The following RBM6 variants were observed in gnomAD, a reference collection of about 807,000 sequenced individuals.
RBM6 encodes RNA binding motif protein 6, also known as RNA-binding protein 6.
In RBM6, 23 loss-of-function variants were observed where a neutral mutation model predicts 140.4. That is an observed-to-expected ratio of 0.16 (90% confidence interval 0.12 to 0.23). The LOEUF is 0.23. RBM6 is among the 10% of genes least tolerant of loss of function. The probability of loss-of-function intolerance (pLI) is 1.00; values close to 1 mark genes in which losing one functional copy is unlikely to be tolerated. For synonymous variants in RBM6, 439 were observed against 475.6 expected (o/e 0.92, Z 1.00); for missense variants, 1,139 against 1,386.7 (o/e 0.82, Z 2.84).
At chr3:49,972,247 T>C (rs2084832335) in intron 4 of RBM6, 99 bp downstream of exon 4, 2 of 901,412 alleles carry the variant, frequency 2.2e-6, no homozygotes, top group East Asian at 5.2e-5. Context: ...TGCAAAGAAA[T>C]GCACAGAGAA....
chr3:50,059,933 G>A (rs11924711), intron 11 of RBM6, among the ~76,000 whole-genome samples, 187 bp downstream of exon 11: 10,642 of 152,168 alleles, frequency 0.07, 387 homozygotes, highest in Non-Finnish European at 0.077. Flanking sequence ...TTTCTTTCTT[G>A]AATAATACTA....
At chr3:49,940,264 T>G (rs1291058977) in intron 1 of RBM6, 39 bp downstream of exon 1, 1 of 152,348 alleles carries the variant, frequency 6.6e-6, no homozygotes, top group Non-Finnish European at 1.5e-5. Flanking sequence ...TGCCAGAGCC[T>G]GCCAGGGAAT....
intron 6 of RBM6, among the ~76,000 whole-genome samples, chr3:50,037,807 T>G (rs1181354599): frequency 6.6e-6 from 1 of 150,570 alleles, no homozygotes; most frequent in African/African-American, 2.5e-5. Flanking sequence ...CGTGGCAAAT[T>G]TCTTTTCTTT....
rs560767774 is a variant in RBM6 at position 50,074,680 on chromosome 3, T to C, written c.3117-521T>C. ...GTTCTATAAGCATCTCTTGACATAA[T>C]GTTTGAGACCTTTCTTGTGAACAGG... On this transcript the variant is annotated intron_variant, in intron 19 of 20. Transcript: ENST00000266022. 3.9e-5 allele frequency among the ~76,000 whole-genome samples: 6 copies of C among 152,222 alleles called. No homozygotes were observed. The South Asian group carries it at 6.2e-4, about 16-fold the overall frequency.
At chr3:50,047,625 G>A (rs1012103262) in intron 6 of RBM6, among the ~76,000 whole-genome samples, 7 of 152,090 alleles carry the variant, frequency 4.6e-5, no homozygotes, top group Admixed American at 1.3e-4. Flanking sequence ...TGATACCGCC[G>A]CCGCCGCTGT....
At chr3:50,065,312 G>T (rs1361919459) in intron 16 of RBM6, among the ~76,000 whole-genome samples, 186 bp downstream of exon 16, 2 of 152,164 alleles carry the variant, frequency 1.3e-5, no homozygotes, top group East Asian at 3.8e-4. Context: ...GCTAATGGGG[G>T]TATTACTGGA....
At chr3:50,032,095 G>A (rs149182163) in intron 6 of RBM6, among the ~76,000 whole-genome samples, 4 of 152,248 alleles carry the variant, frequency 2.6e-5, no homozygotes, top group South Asian at 2.1e-4. Flanking sequence ...GCTGCAGAAC[G>A]TCTTTATTTT....
chr3:50,040,493 T>C (rs5020620), intron 6 of RBM6, among the ~76,000 whole-genome samples: 10,085 of 85,508 alleles, frequency 0.12, 1,487 homozygotes, highest in East Asian at 0.62. Context: ...TATATATATA[T>C]ACACACACAC....
At chr3:49,941,510 C>T (rs2083277584) in intron 1 of RBM6, among the ~76,000 whole-genome samples, 2 of 151,670 alleles carry the variant, frequency 1.3e-5, no homozygotes, top group Non-Finnish European at 2.9e-5. Context: ...CATGGTGGCA[C>T]ATGCCTGTAA....
intron 6 of RBM6, among the ~76,000 whole-genome samples, chr3:50,018,512 G>A (rs562561505): frequency 1.4e-4 from 21 of 150,478 alleles, no homozygotes; most frequent in South Asian, 1.3e-3. Flanking sequence ...GTTTTTGTAC[G>A]GACATACGTT....
intron 15 of RBM6, among the ~76,000 whole-genome samples, chr3:50,064,502 C>T (rs559814728): frequency 1.2e-4 from 18 of 151,910 alleles, no homozygotes; most frequent in African/African-American, 3.1e-4. Flanking sequence ...TATATACTAA[C>T]GTTTTATTTT....
In RBM6 at chr3:49,967,713, G is replaced by T. The variant is rs202185790; in HGVS notation, c.288G>T (p.Arg96Ser). The stretch of plus-strand genomic sequence containing the variant: ...GGGAGGGACCTGGACATGATTTCAG[G>T]GGGGGAGATTTTTCGTCTTCTGATT... ...RGGEGPGHDF[R>S]GGDFSSSDFQ... The change falls in exon 3 of 21, where the codon AGG (arginine) becomes AGT (serine). Residue 96 changes from arginine (R) to serine (S), a missense_variant. Arg to Ser is a moderately radical substitution (Grantham distance 110). Coordinates refer to ENST00000266022, the MANE Select transcript of RBM6 (RefSeq NM_005777.3). This position sits in a 1 kb window ranked among gnomAD's most constrained non-coding sequence, Gnocchi z 4.0. The T allele has an allele frequency of 9.1e-5, 147 of 1,614,118 alleles. No homozygotes were observed. The highest frequency in any genetic ancestry group is 1.6e-4 in the Middle Eastern group (1 of 6,062).
chr3:50,013,816 G>A (rs910387442), intron 6 of RBM6, among the ~76,000 whole-genome samples: 1 of 152,150 alleles, frequency 6.6e-6, no homozygotes, highest in Non-Finnish European at 1.5e-5. Context: ...AATGTTATTC[G>A]TCAGGCAGTG....
At chr3:50,063,785 C>T (rs1488791954) in intron 15 of RBM6, among the ~76,000 whole-genome samples, 1 of 151,794 alleles carries the variant, frequency 6.6e-6, no homozygotes, top group Non-Finnish European at 1.5e-5. Context: ...CCTGTAGTCC[C>T]AGCTACTCAG....
intron 6 of RBM6, among the ~76,000 whole-genome samples, chr3:50,026,879 A>T (rs2087859337): frequency 6.7e-6 from 1 of 148,244 alleles, no homozygotes; most frequent in African/African-American, 2.5e-5. Context: ...AGCCTGGGTG[A>T]CAGAGTGAGA....
intron 4 of RBM6, among the ~76,000 whole-genome samples, chr3:49,972,716 T>C (rs565870057): frequency 6.6e-6 from 1 of 152,290 alleles, no homozygotes; most frequent in East Asian, 1.9e-4. Flanking sequence ...GACACAGCAG[T>C]GTATATTATC....
In RBM6 at chr3:50,000,445, A is replaced by T. The variant is rs144859723; in HGVS notation, c.1557+932A>T. On this transcript the variant is annotated intron_variant, in intron 6 of 20. Coordinates refer to ENST00000266022, the MANE Select transcript of RBM6 (RefSeq NM_005777.3). ...CTTTCTTTTTTTTTTTTTGAGACGG[A>T]GTTTTGCTCTTGTTGCCCAGGCTGG... 3.1e-3 allele frequency among the ~76,000 whole-genome samples: 388 copies of T among 126,246 alleles called. 4 individuals are homozygous for T. The highest frequency in any genetic ancestry group is 0.011 in the African/African-American group (369 of 32,444). 82.8% of individuals were successfully genotyped at this position (126,246 alleles called of 152,430 possible).
intron 6 of RBM6, among the ~76,000 whole-genome samples, chr3:50,038,919 G>A (rs923444868): frequency 6.6e-6 from 1 of 152,234 alleles, no homozygotes; most frequent in African/African-American, 2.4e-5. Flanking sequence ...CCTAATTGCA[G>A]TAGGAGAGAG....
intron 10 of RBM6, 40 bp from the exon 11 acceptor site, chr3:50,059,609 C>A: frequency 2.0e-6 from 3 of 1,529,260 alleles, no homozygotes; most frequent in Non-Finnish European, 8.9e-7. Flanking sequence ...TGGGTTCTGG[C>A]ATTTTCTGTC....
Sources: allele counts gnomAD v4.1 joint callset (sites outside exome capture counted in the v4.1 genomes callset), GRCh38; gene constraint gnomAD v4.1.1; non-coding constraint Gnocchi (gnomAD v3.1); transcripts MANE v1.5; gene names NCBI Gene and HGNC (gene_info 2026-07-23, HGNC 2026-07-21).